Variants in OTUD7B observed in about 807,000 individuals in gnomAD.
OTUD7B encodes OTU domain-containing protein 7B.
OTUD7B carries 34 observed loss-of-function variants against 82.2 expected under a neutral mutation model. That is an observed-to-expected ratio of 0.41 (90% CI 0.31 to 0.55). The LOEUF is 0.55. OTUD7B is among the 20% of genes least tolerant of loss of function. The pLI, the probability that OTUD7B is intolerant of heterozygous loss-of-function variation, is 0.20. For synonymous variants in OTUD7B, 398 were observed against 402.7 expected (o/e 0.99, Z 0.14); for missense variants, 944 against 1,062.1 (o/e 0.89, Z 1.55).
chr1:149,966,936 G>A (rs782573744), intron 4 of OTUD7B, among the ~76,000 whole-genome samples: 8 of 152,118 alleles, frequency 5.3e-5, no homozygotes, highest in Non-Finnish European at 1.2e-4. Flanking sequence ...AAATACATTT[G>A]GGGGGATAGG....
chr1:150,042,234 G>A, the OTUD7B span, among the ~76,000 whole-genome samples: 4 of 149,996 alleles, frequency 2.7e-5, no homozygotes, highest in South Asian at 4.3e-4. Flanking sequence ...ATGCAGTGGC[G>A]CGGACTCGAC....
chr1:150,057,540 T>C, the OTUD7B span, among the ~76,000 whole-genome samples: 2 of 152,338 alleles, frequency 1.3e-5, no homozygotes, highest in African/African-American at 2.4e-5. Flanking sequence ...ATGGGTCAAC[T>C]GTCTTCTCCA....
Position 150,003,249 on chromosome 1 carries a change from CA to C in OTUD7B, c.-67+7198del, listed in dbSNP as rs11297514. ...TGGGTGACAGAGCAAGACTCTGTCT[CA>C]AAAAAAAAAAAAAAAAGATAAAAAC... On this transcript the variant is annotated intron_variant, in intron 1 of 11. Transcript: ENST00000581312. 5.0e-4 allele frequency among the ~76,000 whole-genome samples: 59 copies of C among 117,734 alleles called. 2 individuals are homozygous for C. The highest frequency in any genetic ancestry group is 5.1e-4 in the Non-Finnish European group (30 of 58,446). 77.2% of individuals were successfully genotyped at this position (117,734 alleles called of 152,430 possible). A position where few individuals can be genotyped will look rare whatever the true frequency, so the allele number is the denominator to read the frequency against.
intron 1 of OTUD7B, among the ~76,000 whole-genome samples, chr1:149,984,452 C>G (rs1301943799): frequency 6.6e-6 from 1 of 152,182 alleles, no homozygotes; most frequent in South Asian, 2.1e-4. Context: ...TTGACACTTA[C>G]TGACCACTCT....
At chr1:149,971,629 T>C (rs142333189) in intron 2 of OTUD7B, among the ~76,000 whole-genome samples, 4 of 152,320 alleles carry the variant, frequency 2.6e-5, no homozygotes, top group Non-Finnish European at 4.4e-5. Flanking sequence ...CCAGGTCTCC[T>C]AATTCTGAGA....
chr1:149,943,893 C>G lies in OTUD7B; in HGVS notation c.2496G>C (p.Arg832=), dbSNP rs1553771080. The G allele has an allele frequency of 1.8e-5, 29 of 1,614,128 alleles. No homozygotes were observed. The highest frequency in any genetic ancestry group is 2.2e-5 in the Non-Finnish European group (26 of 1,180,060). The change falls in exon 12 of 12, where the codon CGG becomes CGC. Residue 832 remains arginine (R), a synonymous_variant. Transcript: ENST00000581312. ...CYREELRRRE[R]EPDGELLVHR... ...GCACCAGGAGCTCCCCATCCGGTTC[C>G]CGCTCCCTCCTCCTCAGTTCTTCCC... is the stretch of plus-strand genomic sequence containing the variant.
At chr1:149,984,424 C>A (rs1553780411) in intron 1 of OTUD7B, among the ~76,000 whole-genome samples, 1 of 152,170 alleles carries the variant, frequency 6.6e-6, no homozygotes, top group African/African-American at 2.4e-5. Flanking sequence ...ATCCTTACTT[C>A]TGCTCTCTTT....
At chr1:150,053,269 T>C in the OTUD7B span, among the ~76,000 whole-genome samples, 2 of 152,130 alleles carry the variant, frequency 1.3e-5, no homozygotes, top group African/African-American at 2.4e-5. Context: ...GAAAATATTT[T>C]CAAACTATGC....
Position 149,944,699 on chromosome 1 carries a change from C to G in OTUD7B, c.1690G>C (p.Glu564Gln), listed in dbSNP as rs1647565142. ...NSLKSWKGGK[E>Q]EAAGDGPVSE... ...ACAGGCCCATCCCCAGCTGCCTCCT[C>G]CTTGCCACCCTTCCAGCTCTTCAGT... Residue 564 changes from glutamate (E) to glutamine (Q), a missense_variant, in exon 12 of 12, where the codon GAG (glutamate) becomes CAG (glutamine). This residue lies in a region of OTUD7B where 412 missense variants were observed against 418.7 expected (regional missense o/e 0.98). Transcript: ENST00000581312. 1 of 1,613,758 alleles carries G rather than the reference C, an allele frequency of 6.2e-7. No individual in the cohort carries two copies. The highest frequency in any genetic ancestry group is 1.3e-5 in the African/African-American group (1 of 74,880).
In OTUD7B at chr1:149,943,530, C is replaced by A; in HGVS notation, c.*327G>T. 1 of 259,756 alleles carries A rather than the reference C, an allele frequency of 3.8e-6. No homozygotes were observed. 16.1% of individuals were successfully genotyped at this position (259,756 alleles called of 1,614,324 possible). A position where few individuals can be genotyped will look rare whatever the true frequency, so the allele number is the denominator to read the frequency against. On this transcript the variant is annotated 3_prime_UTR_variant, in exon 12 of 12. Transcript: ENST00000581312. ...TCTGCCCACCTCCCACCCCCACACA[C>A]CAAACCTTCCCCTGCTACTTTCTCT...
At chr1:149,951,271 A>AT (rs1326372677) in intron 7 of OTUD7B, among the ~76,000 whole-genome samples, 1 of 146,814 alleles carries the variant, frequency 6.8e-6, no homozygotes, top group Non-Finnish European at 1.5e-5. Context: ...GTGCCTGGCA[A>AT]TTTTTTAAAT....
intron 1 of OTUD7B, among the ~76,000 whole-genome samples, chr1:150,007,845 C>T (rs1274305443): frequency 6.6e-6 from 1 of 152,212 alleles, no homozygotes; most frequent in Non-Finnish European, 1.5e-5. Context: ...TGCTATTCCA[C>T]AGCTCCTAAG....
intron 1 of OTUD7B, among the ~76,000 whole-genome samples, chr1:149,984,662 CA>C (rs1425035956): frequency 6.6e-6 from 1 of 152,166 alleles, no homozygotes; most frequent in Admixed American, 6.5e-5. Context: ...ACCTGGGAAT[CA>C]TACAGGCACT....
chr1:149,967,776 T>G (rs1365382304), intron 3 of OTUD7B, among the ~76,000 whole-genome samples: 2 of 152,112 alleles, frequency 1.3e-5, no homozygotes, highest in Non-Finnish European at 2.9e-5. Flanking sequence ...TGCCTGATCT[T>G]CCCCTCCCTC....
At chr1:150,047,181 T>C in the OTUD7B span, among the ~76,000 whole-genome samples, 1 of 152,228 alleles carries the variant, frequency 6.6e-6, no homozygotes, top group Non-Finnish European at 1.5e-5. Flanking sequence ...TGCTGTCTTA[T>C]GAACAGCCCA....
intron 6 of OTUD7B, chr1:149,963,559 G>GC (rs1649303184): frequency 1.4e-5 from 2 of 146,354 alleles, no homozygotes; most frequent in South Asian, 4.3e-4. Flanking sequence ...GTTTTTTTTT[G>GC]TTTTTTTTTT....
chr1:150,030,052 T>C, the OTUD7B span, among the ~76,000 whole-genome samples: 3 of 152,222 alleles, frequency 2.0e-5, no homozygotes, highest in Admixed American at 6.5e-5. Context: ...TCTCTGCTAC[T>C]GCATTCTAAG....
chr1:149,945,486 T>C (rs77079980), intron 11 of OTUD7B, among the ~76,000 whole-genome samples: 293 of 152,320 alleles, frequency 1.9e-3, no homozygotes, highest in Non-Finnish European at 3.7e-3. Context: ...TACATTTCTC[T>C]ATGCCAAATT....
the OTUD7B span, among the ~76,000 whole-genome samples, chr1:150,028,947 T>C: frequency 6.6e-5 from 10 of 152,214 alleles, no homozygotes; most frequent in African/African-American, 2.4e-4. Flanking sequence ...TTGTAGCATA[T>C]GTCAGAATTT....
Sources: allele counts gnomAD v4.1 joint callset (sites outside exome capture counted in the v4.1 genomes callset), GRCh38; gene constraint gnomAD v4.1.1; regional missense constraint gnomAD v4.1.1; transcripts MANE v1.5; gene names NCBI Gene and HGNC (gene_info 2026-07-23, HGNC 2026-07-21).